Variants in TMEM178A observed in about 807,000 individuals in gnomAD.
TMEM178A encodes transmembrane protein 178.
Under a neutral mutation model 29.1 loss-of-function variants are expected in TMEM178A, and 12 were observed. The observed-to-expected ratio is 0.41, with a 90% confidence interval of 0.26 to 0.67. TMEM178A has a LOEUF of 0.67. TMEM178A is among the 30% of genes least tolerant of loss of function. The pLI, the probability that TMEM178A is intolerant of heterozygous loss-of-function variation, is 0.29. For missense variants in TMEM178A, 366 were observed against 419.1 expected, an observed-to-expected ratio of 0.87 and a Z score of 1.11; for synonymous variants, 210 against 187.2, an observed-to-expected ratio of 1.12 and a Z score of -0.99.
chr2:39,675,900 T>C (rs1416299409), intron 1 of TMEM178A, among the ~76,000 whole-genome samples: 1 of 152,100 alleles, frequency 6.6e-6, no homozygotes, highest in African/African-American at 2.4e-5. Context: ...CCACCTCAGC[T>C]TCTGGAGTAG....
At chr2:39,728,934 G>GA in the TMEM178A span, among the ~76,000 whole-genome samples, 1 of 152,142 alleles carries the variant, frequency 6.6e-6, no homozygotes, top group East Asian at 1.9e-4. Flanking sequence ...TATGGTAACA[G>GA]AAAAAATGCA....
intron 1 of TMEM178A, among the ~76,000 whole-genome samples, chr2:39,696,854 G>T (rs1048566211): frequency 2.0e-5 from 3 of 152,106 alleles, no homozygotes; most frequent in African/African-American, 7.2e-5. Flanking sequence ...TCATTAAAGT[G>T]GCTCTACTTG....
chr2:39,731,887 G>T, the TMEM178A span, among the ~76,000 whole-genome samples: 5 of 152,280 alleles, frequency 3.3e-5, no homozygotes, highest in African/African-American at 1.2e-4. Flanking sequence ...CTGGGGAAAG[G>T]GTAGGGCACT....
chr2:39,730,966 T>C, the TMEM178A span, among the ~76,000 whole-genome samples: 1 of 152,206 alleles, frequency 6.6e-6, no homozygotes, highest in Non-Finnish European at 1.5e-5. Context: ...AGGAGTTATC[T>C]TCCTGCTGGC....
chr2:39,684,763 C>G (rs1671003338), intron 1 of TMEM178A, among the ~76,000 whole-genome samples: 1 of 152,104 alleles, frequency 6.6e-6, no homozygotes, highest in African/African-American at 2.4e-5. Flanking sequence ...TCATCACTCT[C>G]CCTCTCATGC....
At chr2:39,722,696 T>C (rs1672727528), downstream of TMEM178A, among the ~76,000 whole-genome samples, 1 of 152,164 alleles carries the variant, frequency 6.6e-6, no homozygotes, top group African/African-American at 2.4e-5. Context: ...AGACTATTGG[T>C]CTGCTTCAGG....
At chr2:39,701,813 CTTTT>C (rs974071198) in intron 1 of TMEM178A, among the ~76,000 whole-genome samples, 26 of 152,104 alleles carry the variant, frequency 1.7e-4, no homozygotes, top group African/African-American at 5.6e-4. Flanking sequence ...CTCAAAACTT[CTTTT>C]AAGCCTCTTT....
intron 1 of TMEM178A, among the ~76,000 whole-genome samples, chr2:39,695,171 G>T (rs146643342): frequency 3.9e-5 from 6 of 152,146 alleles, no homozygotes; most frequent in African/African-American, 7.2e-5. Flanking sequence ...AAACTGAGAC[G>T]TGTGCTGGGG....
At chr2:39,720,517 A>G (rs560330047), downstream of TMEM178A, among the ~76,000 whole-genome samples, 1 of 152,242 alleles carries the variant, frequency 6.6e-6, no homozygotes, top group African/African-American at 2.4e-5. Flanking sequence ...CAGCTTCTAC[A>G]CAACACTCCC....
the TMEM178A span, among the ~76,000 whole-genome samples, chr2:39,730,451 C>T: frequency 0.017 from 2,579 of 152,254 alleles, 36 homozygotes; most frequent in Non-Finnish European, 0.028. Flanking sequence ...AAGTTTCCCA[C>T]GTGCAGGGCA....
At chr2:39,684,697 G>A (rs1452560761) in intron 1 of TMEM178A, among the ~76,000 whole-genome samples, 1 of 152,082 alleles carries the variant, frequency 6.6e-6, no homozygotes, top group Non-Finnish European at 1.5e-5. Context: ...GTTGCGTGGG[G>A]GAGGGAGCTC....
chr2:39,673,904 G>T (rs1670505163), intron 1 of TMEM178A, among the ~76,000 whole-genome samples: 1 of 152,114 alleles, frequency 6.6e-6, no homozygotes, highest in African/African-American at 2.4e-5. Flanking sequence ...AGGCTGTTTA[G>T]TGAAAAACAG....
chr2:39,729,041 C>G, the TMEM178A span, among the ~76,000 whole-genome samples: 3 of 152,168 alleles, frequency 2.0e-5, no homozygotes, highest in South Asian at 6.2e-4. Context: ...GCGCCCCCAG[C>G]TGCAATCAAC....
intron 1 of TMEM178A, among the ~76,000 whole-genome samples, chr2:39,684,350 G>A (rs565835657): frequency 6.6e-6 from 1 of 151,886 alleles, no homozygotes; most frequent in South Asian, 2.1e-4. Flanking sequence ...TGTAAAGAAG[G>A]AAAAAAATAA....
chr2:39,720,402 C>T (rs1454440522), downstream of TMEM178A, among the ~76,000 whole-genome samples: 1 of 152,184 alleles, frequency 6.6e-6, no homozygotes, highest in East Asian at 1.9e-4. Context: ...GTGGGATACT[C>T]ACACTGCCTA....
chr2:39,724,413 A>G, the TMEM178A span, among the ~76,000 whole-genome samples: 1 of 152,180 alleles, frequency 6.6e-6, no homozygotes. Flanking sequence ...ATAACCACAC[A>G]TTTAAGAAGC....
At chr2:39,672,519 G>A (rs1052506546) in intron 1 of TMEM178A, among the ~76,000 whole-genome samples, 1 of 151,828 alleles carries the variant, frequency 6.6e-6, no homozygotes, top group South Asian at 2.1e-4. Context: ...TAATTGCAAC[G>A]GTTCTTTTTT....
chr2:39,669,493 A>G (rs1200746522), intron 1 of TMEM178A, among the ~76,000 whole-genome samples: 1 of 152,210 alleles, frequency 6.6e-6, no homozygotes, highest in Non-Finnish European at 1.5e-5. Flanking sequence ...CATTTATCTC[A>G]ATGGGACAAG....
At chr2:39,679,999 G>A (rs1039133092) in intron 1 of TMEM178A, among the ~76,000 whole-genome samples, 10 of 152,106 alleles carry the variant, frequency 6.6e-5, no homozygotes, top group Non-Finnish European at 1.5e-4. Flanking sequence ...GGCTCTTCAA[G>A]AGACCGGTGG....
Sources: allele counts gnomAD v4.1 joint callset (sites outside exome capture counted in the v4.1 genomes callset), GRCh38; gene constraint gnomAD v4.1.1; transcripts MANE v1.5; gene names NCBI Gene and HGNC (gene_info 2026-07-23, HGNC 2026-07-21).